The following RBFOX1 variants were observed in gnomAD, a reference collection of about 807,000 sequenced individuals.
The protein encoded by RBFOX1 is RNA binding protein fox-1 homolog 1.
A neutral mutation model predicts 57.7 loss-of-function variants in RBFOX1; 8 were observed. That is an observed-to-expected ratio of 0.14 (90% CI 0.08 to 0.25). The LOEUF (loss-of-function observed/expected upper bound fraction) is 0.25. Among genes scored for constraint, RBFOX1 ranks in the 10% least tolerant of loss-of-function variants. The pLI is 1.00. For synonymous variants in RBFOX1, 326 were observed against 222.4 expected (o/e 1.47, Z -4.15); for missense variants, 611 against 548.5 (o/e 1.11, Z -1.14).
chr16:7,648,906 T>C (rs564548600), intron 11 of RBFOX1, among the ~76,000 whole-genome samples: 1 of 152,274 alleles, frequency 6.6e-6, no homozygotes, highest in East Asian at 1.9e-4. Context: ...ATCATACTCT[T>C]TCAAAATCTG....
chr16:7,232,678 C>G (rs983022255), intron 4 of RBFOX1, among the ~76,000 whole-genome samples: 67 of 152,030 alleles, frequency 4.4e-4, no homozygotes, highest in African/African-American at 1.5e-3. Context: ...CCTGTCTCTA[C>G]TAAAAATGCA....
At chr16:6,461,944 A>G (rs2094930219) in intron 2 of RBFOX1, among the ~76,000 whole-genome samples, 1 of 152,128 alleles carries the variant, frequency 6.6e-6, no homozygotes, top group African/African-American at 2.4e-5. Context: ...CTTTGACTGG[A>G]TTAATGCCAG....
intron 3 of RBFOX1, among the ~76,000 whole-genome samples, chr16:6,881,151 C>A (rs918435180): frequency 2.0e-5 from 3 of 152,132 alleles, no homozygotes; most frequent in African/African-American, 7.2e-5. Context: ...TATAGATGAT[C>A]AGAGCTGGCA....
In RBFOX1 at chr16:5,613,949, C is replaced by G. The variant is rs529877275; in HGVS notation, c.318+14988C>G. On this transcript the variant is annotated intron_variant, in intron 3 of 19. Coordinates refer to the RBFOX1 transcript ENST00000641259. ...CTTTTTTTTTTTTTTTATCCTGATG[C>G]TGCCTTTCAGGGTCCCAGCTCTTTG... 4.7e-5 allele frequency among the ~76,000 whole-genome samples: 7 copies of G among 148,446 alleles called. No individual in the cohort carries two copies. The East Asian group carries it at 1.2e-3, about 25-fold the overall frequency.
At chr16:7,110,793 A>G (rs2064589286) in intron 4 of RBFOX1, among the ~76,000 whole-genome samples, 1 of 152,284 alleles carries the variant, frequency 6.6e-6, no homozygotes, top group South Asian at 2.1e-4. Context: ...CACAGGAGAA[A>G]ATTTTAGTGA....
At chr16:6,245,647 G>C (rs928584131) in intron 1 of RBFOX1, among the ~76,000 whole-genome samples, 1 of 152,152 alleles carries the variant, frequency 6.6e-6, no homozygotes, top group Non-Finnish European at 1.5e-5. Context: ...TGCTTTGTAT[G>C]CACTCTTGAT....
chr16:5,989,880 A>ACACACACACACC (rs33912010), intron 4 of RBFOX1, among the ~76,000 whole-genome samples: 11,346 of 127,146 alleles, frequency 0.089, 797 homozygotes, highest in African/African-American at 0.14. Context: ...ACACACACAC[A>ACACACACACACC]CCACCCCTGT....
At chr16:6,503,282 T>G (rs1242114470) in intron 2 of RBFOX1, among the ~76,000 whole-genome samples, 1 of 152,180 alleles carries the variant, frequency 6.6e-6, no homozygotes, top group African/African-American at 2.4e-5. Context: ...TGGGCAGTCT[T>G]TGTTTATCTC....
chr16:6,682,262 A>G (rs1281735554), intron 3 of RBFOX1, among the ~76,000 whole-genome samples: 1 of 152,180 alleles, frequency 6.6e-6, no homozygotes, highest in African/African-American at 2.4e-5. Flanking sequence ...TCAGATAGGA[A>G]GCACACAGCC....
chr16:5,483,520 T>G (rs2069618866), intron 2 of RBFOX1, among the ~76,000 whole-genome samples: 1 of 152,222 alleles, frequency 6.6e-6, no homozygotes, highest in South Asian at 2.1e-4. Flanking sequence ...TGATTTTACT[T>G]TGTAGACTGA....
At chr16:5,255,342 A>ATCCC (rs1567240467) in intron 1 of RBFOX1, among the ~76,000 whole-genome samples, 2 of 73,702 alleles carry the variant, frequency 2.7e-5, no homozygotes, top group Admixed American at 1.4e-4. Context: ...CCATCCATCC[A>ATCCC]TCCATCCATC....
At chr16:6,602,532 G>A (rs915475120) in intron 2 of RBFOX1, among the ~76,000 whole-genome samples, 1 of 152,132 alleles carries the variant, frequency 6.6e-6, no homozygotes, top group Admixed American at 6.5e-5. Flanking sequence ...AGGTCTTGAT[G>A]TTCTTACAGA....
At chr16:6,169,886 TCCC>T (rs888359177) in intron 1 of RBFOX1, among the ~76,000 whole-genome samples, 5 of 152,132 alleles carry the variant, frequency 3.3e-5, no homozygotes, top group African/African-American at 1.2e-4. Context: ...GGCCTCAGCC[TCCC>T]AAGTAGCTGG....
intron 4 of RBFOX1, among the ~76,000 whole-genome samples, chr16:7,464,325 T>C (rs11077181): frequency 0.55 from 82,681 of 151,618 alleles, 22,828 homozygotes; most frequent in East Asian, 0.76. Flanking sequence ...AGTAAAATGA[T>C]CACCATCGCA....
At chr16:7,475,486 T>C (rs999378340) in intron 4 of RBFOX1, among the ~76,000 whole-genome samples, 18 of 152,152 alleles carry the variant, frequency 1.2e-4, no homozygotes, top group African/African-American at 4.3e-4. Context: ...GGCTAACTTT[T>C]TGTATTTTTA....
chr16:6,365,104 G>C (rs1319728983), intron 2 of RBFOX1, among the ~76,000 whole-genome samples: 4 of 152,164 alleles, frequency 2.6e-5, no homozygotes, highest in Non-Finnish European at 5.9e-5. Flanking sequence ...TAAAAAAAAG[G>C]TTTTGATAAA....
At chr16:7,595,268 A>G (rs2094627605) in intron 7 of RBFOX1, among the ~76,000 whole-genome samples, 1 of 152,002 alleles carries the variant, frequency 6.6e-6, no homozygotes, top group African/African-American at 2.4e-5. Context: ...TCTTTTCGTT[A>G]GATTTATTTT....
intron 3 of RBFOX1, among the ~76,000 whole-genome samples, chr16:6,886,434 T>G (rs987723500): frequency 6.6e-6 from 1 of 152,002 alleles, no homozygotes; most frequent in South Asian, 2.1e-4. Context: ...CGCTATTGAT[T>G]GCAAAGGCAT....
chr16:7,556,246 C>T (rs2088426157), intron 5 of RBFOX1, among the ~76,000 whole-genome samples: 1 of 152,066 alleles, frequency 6.6e-6, no homozygotes, highest in Admixed American at 6.6e-5. Flanking sequence ...ATCTGAGAGC[C>T]CAGATTCGAA....
Sources: gnomAD v4.1 joint callset for allele counts (sites outside exome capture counted in the v4.1 genomes callset) on GRCh38, gnomAD v4.1.1 for gene constraint, MANE v1.5 for transcripts, NCBI Gene and HGNC (gene_info 2026-07-23, HGNC 2026-07-21) for gene names.